Variants in RPRD2 observed in about 807,000 individuals in gnomAD.
RPRD2 encodes regulation of nuclear pre-mRNA domain-containing protein 2.
A neutral mutation model predicts 104.4 loss-of-function variants in RPRD2; 12 were observed. That is an observed-to-expected ratio of 0.11 (90% CI 0.07 to 0.19). The LOEUF (loss-of-function observed/expected upper bound fraction) is 0.19. Ranked by LOEUF, RPRD2 falls within the 10% of genes least tolerant of loss-of-function variation. The probability of loss-of-function intolerance (pLI) is 1.00; values close to 1 mark genes in which losing one functional copy is unlikely to be tolerated. For missense variants in RPRD2, 1,543 were observed against 1,790.1 expected, an observed-to-expected ratio of 0.86 and a Z score of 2.49; for synonymous variants, 714 against 684.9, an observed-to-expected ratio of 1.04 and a Z score of -0.66.
At chr1:150,369,441 A>ATTTTTTTTTTT (rs58054758) in intron 1 of RPRD2, among the ~76,000 whole-genome samples, 2 of 57,534 alleles carry the variant, frequency 3.5e-5, no homozygotes, top group African/African-American at 6.7e-5. Context: ...CACCTGGCTA[A>ATTTTTTTTTTT]TTTTTTTTTT....
At chr1:150,446,198 G>A in intron 6 of RPRD2, 28 bp from the exon 7 acceptor site, 1 of 1,462,928 alleles carries the variant, frequency 6.8e-7, no homozygotes, top group Non-Finnish European at 9.1e-7. Context: ...ATTTTATCCT[G>A]AAATGAATAT....
At chr1:150,463,725 T>TA (rs1668087475) in intron 9 of RPRD2, among the ~76,000 whole-genome samples, 1 of 152,240 alleles carries the variant, frequency 6.6e-6, no homozygotes, top group African/African-American at 2.4e-5. Context: ...GCATATAACT[T>TA]ACCAGTCACA....
At chr1:150,420,444 A>T (rs140530176) in intron 2 of RPRD2, among the ~76,000 whole-genome samples, 2,087 of 152,342 alleles carry the variant, frequency 0.014, 50 homozygotes, top group African/African-American at 0.048. Flanking sequence ...ATACGTAATG[A>T]TGAAACAAAG....
intron 2 of RPRD2, among the ~76,000 whole-genome samples, chr1:150,421,788 G>A (rs1664772751): frequency 6.6e-6 from 1 of 151,984 alleles, no homozygotes; most frequent in African/African-American, 2.4e-5. Flanking sequence ...ACCAGCCTGG[G>A]CAATATAGCG....
intron 1 of RPRD2, among the ~76,000 whole-genome samples, chr1:150,377,246 C>G (rs1175458360): frequency 6.6e-6 from 1 of 151,640 alleles, no homozygotes; most frequent in Non-Finnish European, 1.5e-5. Context: ...ATATTGAGTA[C>G]TTCCTCTATG....
At position 150,364,523 on chromosome 1, in the gene RPRD2, C is replaced by CT; in HGVS notation, c.-191dup. 1.8e-6 allele frequency: 1 copy of CT among 550,510 alleles called. No homozygotes were observed. The highest frequency in any genetic ancestry group is 3.2e-6 in the Non-Finnish European group (1 of 314,130). 34.1% of individuals were successfully genotyped at this position (550,510 alleles called of 1,614,324 possible). On this transcript the variant is annotated 5_prime_UTR_variant, in exon 1 of 11. Coordinates refer to ENST00000369068, the MANE Select transcript of RPRD2 (RefSeq NM_015203.5). ...AGCCCCTCCTTGCAGCGTGTAGGAG[C>CT]TGCCAGCGTGCCCAGCAGCTGGTGT... is the stretch of plus-strand genomic sequence containing the variant.
intron 1 of RPRD2, among the ~76,000 whole-genome samples, chr1:150,368,205 G>GTTTTTTT (rs10572674): frequency 8.9e-6 from 1 of 112,742 alleles, no homozygotes; most frequent in Non-Finnish European, 1.8e-5. Flanking sequence ...CTTATTTCTT[G>GTTTTTTT]TTTTTTTTTT....
intron 1 of RPRD2, among the ~76,000 whole-genome samples, chr1:150,416,856 A>T (rs1262802593): frequency 2.3e-5 from 3 of 132,504 alleles, no homozygotes; most frequent in African/African-American, 8.5e-5. Context: ...TGGGCGACAG[A>T]GTGAGACTCC....
At chr1:150,452,931 A>G (rs1667295707) in intron 7 of RPRD2, among the ~76,000 whole-genome samples, 1 of 151,772 alleles carries the variant, frequency 6.6e-6, no homozygotes, top group Admixed American at 6.6e-5. Flanking sequence ...CTGCCTCCCA[A>G]AGTGCTGAGA....
chr1:150,431,235 G>A (rs1665545645), intron 2 of RPRD2, among the ~76,000 whole-genome samples: 1 of 152,086 alleles, frequency 6.6e-6, no homozygotes, highest in African/African-American at 2.4e-5. Context: ...AAACAGTTTG[G>A]TGGTTCCTCA....
intron 2 of RPRD2, among the ~76,000 whole-genome samples, chr1:150,435,088 T>C (rs1553892840): frequency 6.6e-6 from 1 of 152,232 alleles, no homozygotes; most frequent in Non-Finnish European, 1.5e-5. Flanking sequence ...TTCAAATTTT[T>C]ATTGTATCTG....
rs1553899536 is a variant in RPRD2, at chr1:150,464,657, G to T, written c.1542G>T (p.Val514=). 18 of 1,613,052 alleles carry T rather than the reference G, an allele frequency of 1.1e-5. No individual in the cohort carries two copies. Among genetic ancestry groups the T allele is most frequent in the Non-Finnish European group, 1.5e-5 (18 of 1,179,508 alleles). Residue 514 remains valine (V), a synonymous_variant, in exon 10 of 11, where the codon GTG becomes GTT. Coordinates refer to ENST00000369068, the MANE Select transcript of RPRD2 (RefSeq NM_015203.5). ...CTCTGGCAAATATCCTCTCCAAGGTGGAGATCACCCCAGAGAGCATTCTGT... is the reference window on the plus strand; with the variant it reads ...CTCTGGCAAATATCCTCTCCAAGGTTGAGATCACCCCAGAGAGCATTCTGT... ...HNPLANILSK[V]EITPESILSA...
rs1161673587 is a variant in RPRD2 at position 150,476,098 on chromosome 1, C to A, written c.*2764C>A. 6.6e-6 allele frequency: 1 copy of A among 152,164 alleles called. No homozygotes were observed. Among genetic ancestry groups the A allele is most frequent in the Non-Finnish European group, 1.5e-5 (1 of 68,032 alleles). The allele number at this position is 152,164 out of a possible 1,614,324, so 9.4% of individuals were successfully genotyped here. On this transcript the variant is annotated 3_prime_UTR_variant, in exon 11 of 11. Coordinates refer to ENST00000369068, the MANE Select transcript of RPRD2 (RefSeq NM_015203.5). ...ACTCTTCAGTCAGCTTAGATGAGAG[C>A]TCTCTCCCTGCTCCCCTCTACCCTC...
At chr1:150,377,359 G>A (rs587736304) in intron 1 of RPRD2, among the ~76,000 whole-genome samples, 271 of 152,260 alleles carry the variant, frequency 1.8e-3, no homozygotes, top group African/African-American at 6.2e-3. Context: ...CCAGTACTTT[G>A]GGAGGCCGAG....
chr1:150,376,842 G>A (rs782125533), intron 1 of RPRD2, among the ~76,000 whole-genome samples: 2 of 151,498 alleles, frequency 1.3e-5, no homozygotes, highest in Non-Finnish European at 2.9e-5. Flanking sequence ...CTAGGAGGCA[G>A]TATTACTTGA....
intron 2 of RPRD2, among the ~76,000 whole-genome samples, chr1:150,430,195 A>G (rs1318119594): frequency 6.6e-6 from 1 of 152,190 alleles, no homozygotes; most frequent in Non-Finnish European, 1.5e-5. Flanking sequence ...TATCAGACAG[A>G]ATGTGTAGAG....
intron 7 of RPRD2, among the ~76,000 whole-genome samples, chr1:150,450,309 A>G (rs1222351414): frequency 6.6e-6 from 1 of 152,038 alleles, no homozygotes; most frequent in Admixed American, 6.6e-5. Flanking sequence ...AGGTGTATGT[A>G]TGTATTTATT....
chr1:150,458,429 A>G (rs1667694343), intron 8 of RPRD2, among the ~76,000 whole-genome samples: 1 of 151,778 alleles, frequency 6.6e-6, no homozygotes, highest in Non-Finnish European at 1.5e-5. Flanking sequence ...ACTCCAGCCT[A>G]GATGACAGAG....
At chr1:150,397,796 G>C (rs1662642513) in intron 1 of RPRD2, among the ~76,000 whole-genome samples, 1 of 152,082 alleles carries the variant, frequency 6.6e-6, no homozygotes, top group Non-Finnish European at 1.5e-5. Flanking sequence ...GCCCAGGCTG[G>C]AGTGTAGTGG....
Sources: gnomAD v4.1 joint callset for allele counts (sites outside exome capture counted in the v4.1 genomes callset) on GRCh38, gnomAD v4.1.1 for gene constraint, MANE v1.5 for transcripts, NCBI Gene and HGNC (gene_info 2026-07-23, HGNC 2026-07-21) for gene names.